EPHA6: variants seen among roughly 807,000 people sequenced by gnomAD.
The protein encoded by EPHA6 is EPH receptor A6, also known as ephrin type-A receptor 6.
A neutral mutation model predicts 112.0 loss-of-function variants in EPHA6; 50 were observed. That is an observed-to-expected ratio of 0.45 (90% CI 0.36 to 0.56). The LOEUF (loss-of-function observed/expected upper bound fraction) is 0.56. Ranked by LOEUF, EPHA6 falls within the 20% of genes least tolerant of loss-of-function variation. The pLI is 0.00. For missense variants in EPHA6, 1,280 were observed against 1,417.4 expected (o/e 0.90, Z 1.56); for synonymous variants, 529 against 490.7 (o/e 1.08, Z -1.03).
At chr3:97,541,024 C>A (rs2092841388) in intron 11 of EPHA6, among the ~76,000 whole-genome samples, 1 of 152,138 alleles carries the variant, frequency 6.6e-6, no homozygotes, top group Non-Finnish European at 1.5e-5. Context: ...ACTGAGAAAT[C>A]TTCACCAAGT....
chr3:96,866,305 G>A (rs2036306626), intron 1 of EPHA6, among the ~76,000 whole-genome samples: 1 of 152,014 alleles, frequency 6.6e-6, no homozygotes, highest in Admixed American at 6.6e-5. Flanking sequence ...ATAGCCATAA[G>A]TAAACTACCT....
chr3:96,945,490 T>C (rs2041205847), intron 2 of EPHA6, among the ~76,000 whole-genome samples: 1 of 152,212 alleles, frequency 6.6e-6, no homozygotes, highest in Admixed American at 6.5e-5. Context: ...CTCAAATATG[T>C]TGCATGTGTT....
intron 14 of EPHA6, among the ~76,000 whole-genome samples, chr3:97,678,695 G>A (rs184995492): frequency 2.8e-4 from 43 of 152,210 alleles, no homozygotes; most frequent in Non-Finnish European, 5.0e-4. Context: ...TGTAATTTCT[G>A]TCAGAACTCT....
At chr3:96,944,820 G>A (rs1409147774) in intron 2 of EPHA6, among the ~76,000 whole-genome samples, 1 of 152,138 alleles carries the variant, frequency 6.6e-6, no homozygotes, top group East Asian at 1.9e-4. Flanking sequence ...CATGTCTGTA[G>A]TCCCAGCTAC....
intron 3 of EPHA6, among the ~76,000 whole-genome samples, chr3:97,188,927 G>A (rs1032918148): frequency 2.6e-5 from 4 of 151,938 alleles, no homozygotes; most frequent in African/African-American, 7.2e-5. Flanking sequence ...ATTAGGGAAA[G>A]AGGCAGGTGA....
intron 3 of EPHA6, among the ~76,000 whole-genome samples, chr3:97,071,297 A>G (rs181378923): frequency 7.8e-4 from 118 of 152,222 alleles, no homozygotes; most frequent in African/African-American, 2.4e-3. Context: ...AATAAAGATT[A>G]CATGGGTTGA....
intron 11 of EPHA6, among the ~76,000 whole-genome samples, chr3:97,571,344 C>A (rs2093331086): frequency 6.8e-6 from 1 of 147,140 alleles, no homozygotes; most frequent in African/African-American, 2.5e-5. Context: ...GGGGTTGACA[C>A]AAAGAAGATT....
chr3:97,041,873 C>G (rs552506306), intron 3 of EPHA6, among the ~76,000 whole-genome samples: 1 of 152,050 alleles, frequency 6.6e-6, no homozygotes, highest in African/African-American at 2.4e-5. Flanking sequence ...GGGGAAAATC[C>G]TCCCCAGTGA....
At chr3:97,220,771 C>A (rs1387889992) in intron 3 of EPHA6, among the ~76,000 whole-genome samples, 1 of 152,094 alleles carries the variant, frequency 6.6e-6, no homozygotes, top group Non-Finnish European at 1.5e-5. Flanking sequence ...AAAGCCTAAC[C>A]AAATCAGTCT....
chr3:97,750,127 G>T lies in EPHA6; in HGVS notation c.*1426G>T, dbSNP rs559301249. The stretch of plus-strand genomic sequence containing the variant: ...CTCCCTGTAAAACTAAAAAAATGAC[G>T]ACTGTTTTAGGTGAAAGAGTAAGTA... On this transcript the variant is annotated 3_prime_UTR_variant, in exon 18 of 18. Transcript: ENST00000389672. Among the ~76,000 whole-genome samples the T allele has an allele frequency of 6.6e-6, 1 of 152,074 alleles. No individual in the cohort carries two copies. The highest frequency in any genetic ancestry group is 2.1e-4 in the South Asian group (1 of 4,802).
chr3:97,163,689 G>C (rs1054720183), intron 3 of EPHA6, among the ~76,000 whole-genome samples: 3 of 152,132 alleles, frequency 2.0e-5, no homozygotes, highest in African/African-American at 7.2e-5. Flanking sequence ...GCAGTGTAAG[G>C]CTAATTCCCT....
intron 2 of EPHA6, among the ~76,000 whole-genome samples, chr3:96,910,602 T>G (rs183618231): frequency 6.6e-6 from 1 of 152,072 alleles, no homozygotes; most frequent in Admixed American, 6.6e-5. Context: ...TCTGGCTTTT[T>G]TCCTATTCCT....
chr3:97,621,802 C>T (rs2093816052), intron 13 of EPHA6, among the ~76,000 whole-genome samples: 1 of 151,846 alleles, frequency 6.6e-6, no homozygotes. Context: ...AGAGAAACAT[C>T]TATAGGATTT....
intron 3 of EPHA6, among the ~76,000 whole-genome samples, chr3:96,988,640 A>T (rs2043106842): frequency 1.3e-5 from 2 of 152,094 alleles, no homozygotes; most frequent in African/African-American, 4.8e-5. Flanking sequence ...GTTATGTATG[A>T]TGTTTGGTGG....
At chr3:97,260,695 T>C (rs2079472647) in intron 5 of EPHA6, among the ~76,000 whole-genome samples, 1 of 152,208 alleles carries the variant, frequency 6.6e-6, no homozygotes, top group South Asian at 2.1e-4. Context: ...TAGAATACAG[T>C]TGTCTTCCCA....
At chr3:96,832,962 T>A (rs2034182233) in intron 1 of EPHA6, among the ~76,000 whole-genome samples, 1 of 151,826 alleles carries the variant, frequency 6.6e-6, no homozygotes, top group Non-Finnish European at 1.5e-5. Flanking sequence ...ATATTATCAT[T>A]ATTATATTCA....
chr3:97,492,957 CA>C (rs1357360231), intron 10 of EPHA6, among the ~76,000 whole-genome samples: 1 of 146,364 alleles, frequency 6.8e-6, no homozygotes, highest in East Asian at 2.0e-4. Flanking sequence ...AATTTCTCTT[CA>C]AAACATAAGC....
At chr3:97,639,276 T>C (rs936601275) in intron 14 of EPHA6, among the ~76,000 whole-genome samples, 14 of 151,958 alleles carry the variant, frequency 9.2e-5, no homozygotes, top group African/African-American at 2.9e-4. Flanking sequence ...ATTTGTGCAG[T>C]TTAGAAAAAG....
chr3:97,068,757 G>A (rs1304861949), intron 3 of EPHA6, among the ~76,000 whole-genome samples: 2 of 152,008 alleles, frequency 1.3e-5, no homozygotes, highest in Non-Finnish European at 2.9e-5. Context: ...GAACACTCAT[G>A]ACAGAACTAG....
Sources: gnomAD v4.1 joint callset for allele counts (sites outside exome capture counted in the v4.1 genomes callset) on GRCh38, gnomAD v4.1.1 for gene constraint, MANE v1.5 for transcripts, NCBI Gene and HGNC (gene_info 2026-07-23, HGNC 2026-07-21) for gene names.